The following RBM33 variants were observed in gnomAD, a reference collection of about 807,000 sequenced individuals.
RBM33 encodes RNA-binding protein 33.
In RBM33, 28 loss-of-function variants were observed where a neutral mutation model predicts 132.6. The observed-to-expected ratio is 0.21, with a 90% CI of 0.16 to 0.29. The LOEUF is 0.29. Among genes scored for constraint, RBM33 ranks in the 10% least tolerant of loss-of-function variants. The probability of loss-of-function intolerance (pLI) is 1.00; values close to 1 mark genes in which losing one functional copy is unlikely to be tolerated. For synonymous variants in RBM33, 634 were observed against 593.0 expected (o/e 1.07, Z -1.01); for missense variants, 1,291 against 1,518.5 (o/e 0.85, Z 2.49).
intron 6 of RBM33, among the ~76,000 whole-genome samples, chr7:155,705,966 A>G (rs900864000): frequency 6.6e-6 from 1 of 152,250 alleles, no homozygotes; most frequent in African/African-American, 2.4e-5. Flanking sequence ...AATAAATACA[A>G]AAAATTGAAA....
chr7:155,691,331 G>A (rs1255158220), intron 5 of RBM33, among the ~76,000 whole-genome samples: 3 of 152,176 alleles, frequency 2.0e-5, no homozygotes, highest in Non-Finnish European at 2.9e-5. Flanking sequence ...GGTCATTTAA[G>A]GACTTCTCTA....
intron 5 of RBM33, among the ~76,000 whole-genome samples, chr7:155,694,658 T>G (rs1799742522): frequency 1.3e-5 from 2 of 152,352 alleles, no homozygotes; most frequent in African/African-American, 4.8e-5. Context: ...GTCTGGAACA[T>G]CACCTAAATG....
intron 14 of RBM33, among the ~76,000 whole-genome samples, chr7:155,762,237 G>A (rs567968371): frequency 1.3e-5 from 2 of 152,316 alleles, no homozygotes; most frequent in East Asian, 3.9e-4. Context: ...CTGGTGTGCT[G>A]CCTGTTCCAA....
intron 14 of RBM33, among the ~76,000 whole-genome samples, chr7:155,749,927 G>T (rs1427988786): frequency 6.6e-6 from 1 of 152,156 alleles, no homozygotes; most frequent in Non-Finnish European, 1.5e-5. Flanking sequence ...AACTTTGAAG[G>T]GAAATATTAG....
At chr7:155,770,815 G>A (rs1026747787) in intron 16 of RBM33, among the ~76,000 whole-genome samples, 1 of 152,116 alleles carries the variant, frequency 6.6e-6, no homozygotes, top group Non-Finnish European at 1.5e-5. Flanking sequence ...CTTTTCATGG[G>A]GAAAAGAGGC....
intron 9 of RBM33, among the ~76,000 whole-genome samples, chr7:155,725,203 GTTTTTTTTTTTT>G (rs59050644): frequency 9.5e-6 from 1 of 105,178 alleles, no homozygotes; most frequent in Admixed American, 1.0e-4. Flanking sequence ...TTTTTTAGTT[GTTTTTTTTTTTT>G]TTTTTTTTTG....
Position 155,775,011 on chromosome 7 carries a change from C to T in RBM33, c.3483C>T (p.Ser1161=). Reference sequence around the variant, plus strand: ...TTCACAGGCATATGATAGATTTGTCCCACATAAATGTGGCCCTGATCGTGG... The same window carrying T: ...TTCACAGGCATATGATAGATTTGTCTCACATAAATGTGGCCCTGATCGTGG... ...QKFHRHMIDL[S]HINVALIVE is the part of the protein sequence containing the mutation. The change falls in exon 18 of 18, where the codon TCC becomes TCT. Residue 1161 remains serine, a synonymous_variant. Transcript: ENST00000401878. The T allele has an allele frequency of 1.2e-6, 2 of 1,613,700 alleles. No homozygotes were observed. The highest frequency in any genetic ancestry group is 1.7e-6 in the Non-Finnish European group (2 of 1,179,704).
intron 14 of RBM33, among the ~76,000 whole-genome samples, chr7:155,749,771 C>G (rs1801637180): frequency 6.6e-6 from 1 of 152,180 alleles, no homozygotes; most frequent in Non-Finnish European, 1.5e-5. Flanking sequence ...GTTCCATCAT[C>G]CCGGTTCCAG....
intron 6 of RBM33, among the ~76,000 whole-genome samples, chr7:155,702,085 A>G (rs1233021633): frequency 1.3e-5 from 2 of 152,192 alleles, no homozygotes; most frequent in African/African-American, 4.8e-5. Flanking sequence ...GAGGGCAGGC[A>G]GGAGGGCAGG....
Position 155,717,347 on chromosome 7 carries a change from G to A in RBM33, c.1202-1038G>A, listed in dbSNP as rs761788567. ...GGCCACCTTCTCCTTGTGTCCTCAC[G>A]TGGTCCTCCCTCTGTGTGTACTGTC... is the stretch of plus-strand genomic sequence containing the variant. On this transcript the variant is annotated intron_variant, in intron 8 of 17. Transcript: ENST00000401878. Among the ~76,000 whole-genome samples the A allele has an allele frequency of 1.2e-4, 19 of 152,200 alleles. No individual in the cohort carries two copies. In the Middle Eastern group the frequency reaches 0.01, roughly 82 times the overall value.
chr7:155,711,174 C>A, intron 7 of RBM33, 29 bp from the exon 8 acceptor site: 2 of 1,469,388 alleles, frequency 1.4e-6, no homozygotes, highest in South Asian at 1.4e-5. Flanking sequence ...GATTTGTAGA[C>A]TCATTCTCCA....
At position 155,739,812 on chromosome 7, in the gene RBM33, C is replaced by CGCACCAGCCCCCGCCCCA; in HGVS notation, c.1848_1865dup (p.Gln620_His625dup). ...CAGCACCAGCCTCCGCACCAGCCCC[C>CGCACCAGCCCCCGCCCCA]GCACCAGCCCCCGCCCCAGCACCAG... On this transcript the variant is annotated inframe_insertion, in exon 12 of 18. Coordinates refer to ENST00000401878, the MANE Select transcript of RBM33 (RefSeq NM_053043.3). The CGCACCAGCCCCCGCCCCA allele has an allele frequency of 2.2e-6, 3 of 1,343,072 alleles. No homozygotes were observed. Among genetic ancestry groups the CGCACCAGCCCCCGCCCCA allele is most frequent in the Non-Finnish European group, 1.0e-6 (1 of 974,362 alleles). The allele number at this position is 1,343,072 out of a possible 1,614,324, so 83.2% of individuals were successfully genotyped here. A position where few individuals can be genotyped will look rare whatever the true frequency, so the allele number is the denominator to read the frequency against.
At chr7:155,750,603 A>G (rs1248093562) in intron 14 of RBM33, among the ~76,000 whole-genome samples, 2 of 151,972 alleles carry the variant, frequency 1.3e-5, no homozygotes, top group Non-Finnish European at 2.9e-5. Context: ...ATGAGAACCA[A>G]CTCTCCTCCC....
chr7:155,664,746 CTA>C (rs1468066846), intron 1 of RBM33, among the ~76,000 whole-genome samples: 1 of 152,134 alleles, frequency 6.6e-6, no homozygotes, highest in Admixed American at 6.5e-5. Flanking sequence ...TGCATTATCT[CTA>C]TTTTGCTTAA....
At chr7:155,654,032 G>A (rs1471431576) in intron 1 of RBM33, among the ~76,000 whole-genome samples, 1 of 152,224 alleles carries the variant, frequency 6.6e-6, no homozygotes, top group Non-Finnish European at 1.5e-5. Flanking sequence ...CAGTCAGCAA[G>A]TCAAACTTTT....
At chr7:155,661,029 C>A (rs972510234) in intron 1 of RBM33, among the ~76,000 whole-genome samples, 1 of 150,592 alleles carries the variant, frequency 6.6e-6, no homozygotes, top group Non-Finnish European at 1.5e-5. Flanking sequence ...CTAATGAACT[C>A]ATTTTAGTTA....
rs557718728 is a variant in RBM33, at chr7:155,699,548, C to T, written c.568-1225C>T. Among the ~76,000 whole-genome samples the T allele has an allele frequency of 5.3e-5, 8 of 152,250 alleles. No homozygotes were observed. In the South Asian group the frequency reaches 1.7e-3, roughly 32 times the overall value. The stretch of plus-strand genomic sequence containing the variant: ...TAACGGTATCAAACCAGCAAAAATC[C>T]TGAGATTTTGGTACTTTAAAATTCT... On this transcript the variant is annotated intron_variant, in intron 5 of 17. Coordinates refer to ENST00000401878, the MANE Select transcript of RBM33 (RefSeq NM_053043.3).
At chr7:155,702,180 C>T (rs1198247756) in intron 6 of RBM33, among the ~76,000 whole-genome samples, 1 of 152,166 alleles carries the variant, frequency 6.6e-6, no homozygotes. Flanking sequence ...CTTTTTAAAA[C>T]CATTATTCAT....
At chr7:155,717,929 T>G (rs1198860097) in intron 8 of RBM33, among the ~76,000 whole-genome samples, 2 of 152,188 alleles carry the variant, frequency 1.3e-5, no homozygotes, top group African/African-American at 2.4e-5. Context: ...ATGTGCTGTT[T>G]TCCTTTCTCT....
Sources: gnomAD v4.1 joint callset for allele counts (sites outside exome capture counted in the v4.1 genomes callset) on GRCh38, gnomAD v4.1.1 for gene constraint, MANE v1.5 for transcripts, NCBI Gene and HGNC (gene_info 2026-07-23, HGNC 2026-07-21) for gene names.